Variants in NOS3 observed in about 807,000 individuals in gnomAD.
NOS3 encodes nitric oxide synthase 3.
Under a neutral mutation model 144.9 loss-of-function variants are expected in NOS3, and 98 were observed. The ratio of observed to expected loss-of-function variants is 0.68; its 90% confidence interval spans 0.57 to 0.80. NOS3 has a LOEUF of 0.80. Among genes scored for constraint, NOS3 ranks in the 30% least tolerant of loss-of-function variants. The pLI is 0.00. For missense variants in NOS3, 1,465 were observed against 1,656.4 expected (o/e 0.88, Z 2.01); for synonymous variants, 714 against 702.4 (o/e 1.02, Z -0.26).
At chr7:151,005,807 C>T (rs990773490) in intron 14 of NOS3, among the ~76,000 whole-genome samples, 1 of 152,176 alleles carries the variant, frequency 6.6e-6, no homozygotes, top group African/African-American at 2.4e-5. Flanking sequence ...GCCGGAGGAT[C>T]GCTTGAGCCC....
At chr7:151,012,872 G>C (rs1048287245) in intron 24 of NOS3, 1 of 347,128 alleles carries the variant, frequency 2.9e-6, no homozygotes, top group Admixed American at 4.5e-5. Flanking sequence ...ATCAAAAGAA[G>C]AGGGCTGTGA....
Position 151,014,214 on chromosome 7 carries a change from G to C in NOS3, c.*45G>C. On this transcript the variant is annotated 3_prime_UTR_variant, in exon 27 of 27. Transcript: ENST00000297494. ...TCCAGTTCCGGGAGAGCGGCTGCCC[G>C]ACTCAGGTCCGCCCGACCAGGATCA... 1 of 1,552,872 alleles carries C rather than the reference G, an allele frequency of 6.4e-7. No homozygotes were observed. The highest frequency in any genetic ancestry group is 8.7e-7 in the Non-Finnish European group (1 of 1,148,260).
rs1802495520 is a variant in NOS3 at position 150,998,737 on chromosome 7, G to C, written c.816+57G>C. On this transcript the variant is annotated intron_variant, in intron 7 of 26. Transcript: ENST00000297494. This position sits in a 1 kb window ranked among gnomAD's most constrained non-coding sequence, Gnocchi z 5.0. ...CCCAAGGTGGAGAATGAGGAAACCA[G>C]TGGGAGAAGGCTCGGGGGATCCAGG... 6.4e-7 allele frequency: 1 copy of C among 1,561,014 alleles called. No homozygotes were observed. The highest frequency in any genetic ancestry group is 8.7e-7 in the Non-Finnish European group (1 of 1,150,682).
At chr7:151,011,613 AAAAAAAAAAAAAAAATATT>A in intron 23 of NOS3, among the ~76,000 whole-genome samples, 1 of 16,062 alleles carries the variant, frequency 6.2e-5, no homozygotes, top group Admixed American at 9.6e-4. Flanking sequence ...CTCTGTCTCA[AAAAAAAAAAAAAAAATATT>A]CTCCTGTCTC....
chr7:151,000,723 C>G (rs192330881), intron 10 of NOS3, 124 bp downstream of exon 10: 1 of 678,986 alleles, frequency 1.5e-6, no homozygotes, highest in East Asian at 2.7e-5. Flanking sequence ...GAAGAAGTTC[C>G]GTAGTCCCAG....
chr7:151,013,971 G>T, intron 26 of NOS3, 37 bp from the exon 27 acceptor site: 1 of 1,607,534 alleles, frequency 6.2e-7, no homozygotes, highest in Non-Finnish European at 8.5e-7. Context: ...TAAGGTCTCC[G>T]AGTCGGGTTC....
At chr7:151,013,984 A>T in intron 26 of NOS3, 24 bp from the exon 27 acceptor site, 1 of 1,609,328 alleles carries the variant, frequency 6.2e-7, no homozygotes, top group Non-Finnish European at 8.5e-7. Context: ...TCGGGTTCTG[A>T]TCCACTGTGC....
rs1802497931 is a variant in NOS3 at position 150,998,844 on chromosome 7, A to G, written c.817-102A>G. On this transcript the variant is annotated intron_variant, in intron 7 of 26. Transcript: ENST00000297494. This position sits in a 1 kb window ranked among gnomAD's most constrained non-coding sequence, Gnocchi z 5.0. ...CTGGGTGGTCACGGAGACCCAGCCA[A>G]TGAGGGACCCTGGAGATGAAGGCAG... 6.6e-6 allele frequency: 10 copies of G among 1,505,350 alleles called. No homozygotes were observed. The highest frequency in any genetic ancestry group is 1.4e-5 in the African/African-American group (1 of 71,742). 93.2% of individuals were successfully genotyped at this position (1,505,350 alleles called of 1,614,324 possible). A position where few individuals can be genotyped will look rare whatever the true frequency, so the allele number is the denominator to read the frequency against.
Position 150,999,049 on chromosome 7 carries a change from C to A in NOS3, c.920C>A (p.Pro307His), listed in dbSNP as rs2117111200. ...CCCCCAGAACTCTTCCTTCTGCCCC[C>A]CGAGCTGGTCCTTGAGGTGCCCCTG... is the stretch of plus-strand genomic sequence containing the variant. ...DDPPELFLLP[P>H]ELVLEVPLEH... Residue 307 changes from proline to histidine, a missense_variant, in exon 8 of 27, where the codon CCC (proline) becomes CAC (histidine). Pro to His is a moderately conservative substitution (Grantham distance 77). Around this residue, in one of 5 missense-constraint regions of NOS3, gnomAD observed 745 missense variants for 853.9 expected, o/e 0.87. Transcript: ENST00000297494. The A allele has an allele frequency of 6.2e-7, 1 of 1,612,618 alleles. No homozygotes were observed. The highest frequency in any genetic ancestry group is 8.5e-7 in the Non-Finnish European group (1 of 1,179,898).
At position 151,010,592 on chromosome 7, in the gene NOS3, G is replaced by C. The variant is rs770196062; in HGVS notation, c.2686-5G>C. On this transcript the variant is annotated splice_polypyrimidine_tract_variant and splice_region_variant and intron_variant, in intron 21 of 26. Transcript: ENST00000297494. ...CCTCCAACCCACTGCATCCTGCCCCGCCAGGATCCCCGACGCTACGAGGAG... is the reference window on the plus strand; with the variant it reads ...CCTCCAACCCACTGCATCCTGCCCCCCCAGGATCCCCGACGCTACGAGGAG... The C allele has an allele frequency of 6.4e-7, 1 of 1,574,472 alleles. No individual in the cohort carries two copies. Among genetic ancestry groups the C allele is most frequent in the Non-Finnish European group, 8.6e-7 (1 of 1,159,394 alleles).
chr7:151,008,654 G>T (rs893010672), intron 17 of NOS3, among the ~76,000 whole-genome samples: 3 of 152,212 alleles, frequency 2.0e-5, no homozygotes. Context: ...GCTACCGTGT[G>T]CCAAGCACTA....
chr7:150,995,250 C>G lies in NOS3; in HGVS notation c.206C>G (p.Pro69Arg), dbSNP rs1313777567. 3.7e-6 allele frequency: 6 copies of G among 1,611,640 alleles called. No homozygotes were observed. Among genetic ancestry groups the G allele is most frequent in the Non-Finnish European group, 5.1e-6 (6 of 1,179,074 alleles). ...CAGCCCCCAGAGGGGCCCAAGTTCC[C>G]TCGTGTGAAGAACTGGGAGGTGGGG... The part of the protein sequence containing the change: ...LTQPPEGPKF[P>R]RVKNWEVGSI... Residue 69 changes from proline (P) to arginine (R), a missense_variant, in exon 3 of 27, where the codon CCT (proline) becomes CGT (arginine). Pro to Arg is a moderately radical substitution (Grantham distance 103). This residue lies in a region of NOS3 where 374 missense variants were observed against 377.0 expected (regional missense o/e 0.99). Transcript: ENST00000297494.
intron 25 of NOS3, 69 bp from the exon 26 acceptor site, chr7:151,013,655 C>A: frequency 7.2e-7 from 1 of 1,386,216 alleles, no homozygotes; most frequent in Non-Finnish European, 9.7e-7. Flanking sequence ...CCAGGGCCAG[C>A]CAGCAGCCCC....
chr7:151,004,157 C>A (rs1402107722), intron 14 of NOS3, among the ~76,000 whole-genome samples: 1 of 152,142 alleles, frequency 6.6e-6, no homozygotes, highest in Non-Finnish European at 1.5e-5. Flanking sequence ...GCCAACATGG[C>A]AAAACCCTGT....
Position 151,012,960 on chromosome 7 carries a change from G to C in NOS3, c.3107-271G>C, listed in dbSNP as rs184091407. 2.4e-5 allele frequency: 12 copies of C among 509,350 alleles called. No individual in the cohort carries two copies. The East Asian group carries it at 4.1e-4, about 17-fold the overall frequency. The allele number at this position is 509,350 out of a possible 1,614,324, so 31.6% of individuals were successfully genotyped here. ...GACTGCGATGTCACACAATGCAAAGGGCATGGAATTCTGAGTCCGAAGCCG... is the reference window on the plus strand; with the variant it reads ...GACTGCGATGTCACACAATGCAAAGCGCATGGAATTCTGAGTCCGAAGCCG... On this transcript the variant is annotated intron_variant, in intron 24 of 26. Transcript: ENST00000297494.
rs985027299 is a variant in NOS3 at position 151,002,653 on chromosome 7, G to A, written c.1752+349G>A. Among the ~76,000 whole-genome samples the A allele has an allele frequency of 5.9e-5, 9 of 152,128 alleles. No homozygotes were observed. Among genetic ancestry groups the A allele is most frequent in the Non-Finnish European group, 8.8e-5 (6 of 68,036 alleles). On this transcript the variant is annotated intron_variant, in intron 14 of 26. Coordinates refer to ENST00000297494, the MANE Select transcript of NOS3 (RefSeq NM_000603.5). This position sits in a 1 kb window ranked among gnomAD's most constrained non-coding sequence, Gnocchi z 4.1. ...CTGACCAAGAGGTTAGACTGTGCTC[G>A]GGCACTGACAAGAAAAACAGGGATA... is the stretch of plus-strand genomic sequence containing the variant.
chr7:151,013,942 G>A, intron 26 of NOS3, 24 bp downstream of exon 26: 1 of 1,600,562 alleles, frequency 6.2e-7, no homozygotes, highest in Non-Finnish European at 8.5e-7. Flanking sequence ...GGCCGGGCCT[G>A]AGCGTGCGGG....
In NOS3 at chr7:151,002,673, G is replaced by C. The variant is rs1795135862; in HGVS notation, c.1752+369G>C. ...TGCTCGGGCACTGACAAGAAAAACA[G>C]GGATACGTCACTGAGGGCGGCTTCT... On this transcript the variant is annotated intron_variant, in intron 14 of 26. Transcript: ENST00000297494. The surrounding 1 kb of genome is among the most constrained non-coding windows in gnomAD (Gnocchi z 4.1). Among the ~76,000 whole-genome samples, 2 of 152,218 alleles carry C rather than the reference G, an allele frequency of 1.3e-5. No homozygotes were observed. Among genetic ancestry groups the C allele is most frequent in the South Asian group, 4.1e-4 (2 of 4,834 alleles).
At chr7:151,008,465 C>T (rs1205572294) in intron 17 of NOS3, among the ~76,000 whole-genome samples, 1 of 152,164 alleles carries the variant, frequency 6.6e-6, no homozygotes, top group African/African-American at 2.4e-5. Flanking sequence ...GCGTCCCTTC[C>T]CAGGAGCACT....
Sources: allele counts gnomAD v4.1 joint callset (sites outside exome capture counted in the v4.1 genomes callset), GRCh38; gene constraint gnomAD v4.1.1; regional missense constraint gnomAD v4.1.1; non-coding constraint Gnocchi (gnomAD v3.1); transcripts MANE v1.5; gene names NCBI Gene and HGNC (gene_info 2026-07-23, HGNC 2026-07-21).